The following MEGF6 variants were observed in gnomAD, a reference collection of about 807,000 sequenced individuals.
The protein encoded by MEGF6 is multiple epidermal growth factor-like domains protein 6.
MEGF6 carries 184 observed loss-of-function variants against 207.1 expected under a neutral mutation model. That is an observed-to-expected ratio of 0.89 (90% CI 0.79 to 1.00). The LOEUF (loss-of-function observed/expected upper bound fraction) is 1.00, where lower values mean the gene tolerates loss of function less well. MEGF6 is among the 50% of genes least tolerant of loss of function. The pLI, the probability that MEGF6 is intolerant of heterozygous loss-of-function variation, is 0.00. For synonymous variants in MEGF6, 1,038 were observed against 910.0 expected (o/e 1.14, Z -2.53); for missense variants, 2,282 against 2,202.9 (o/e 1.04, Z -0.72).
At chr1:3,553,388 G>A (rs575852869) in intron 4 of MEGF6, among the ~76,000 whole-genome samples, 17 of 151,872 alleles carry the variant, frequency 1.1e-4, no homozygotes, top group African/African-American at 3.9e-4. Flanking sequence ...AGGCGGGACG[G>A]GGACACAGGC....
intron 1 of MEGF6, among the ~76,000 whole-genome samples, chr1:3,605,068 TCA>T (rs201341497): frequency 0.025 from 3,816 of 149,918 alleles, 157 homozygotes; most frequent in African/African-American, 0.087. Flanking sequence ...ACCCTCACAC[TCA>T]CACTCTCAGT....
Position 3,497,133 on chromosome 1 carries a change from G to A in MEGF6, c.3482-14C>T. On this transcript the variant is annotated splice_polypyrimidine_tract_variant and intron_variant, in intron 27 of 36. Coordinates refer to ENST00000356575, the MANE Select transcript of MEGF6 (RefSeq NM_001409.4). The stretch of plus-strand genomic sequence containing the variant: ...CGGGTGGGCAGGCTGGGTGGAGACA[G>A]GCAGGGTCGGTCCTGGCCCAGCCCC... 1 of 1,568,202 alleles carries A rather than the reference G, an allele frequency of 6.4e-7. No individual in the cohort carries two copies. Among genetic ancestry groups the A allele is most frequent in the Non-Finnish European group, 8.7e-7 (1 of 1,154,438 alleles).
the MEGF6 span, among the ~76,000 whole-genome samples, chr1:3,618,703 C>T: frequency 2.0e-5 from 3 of 152,190 alleles, no homozygotes; most frequent in South Asian, 4.1e-4. The surrounding 1 kb of genome is among the most constrained non-coding windows in gnomAD (Gnocchi z 4.7). Context: ...ACCACCTGAG[C>T]GCTCACGACT....
Position 3,560,837 on chromosome 1 carries a change from CG to C in MEGF6, c.481+18987del. 1 of 446,920 alleles carries C rather than the reference CG, an allele frequency of 2.2e-6. No homozygotes were observed. The highest frequency in any genetic ancestry group is 1.6e-5 in the South Asian group (1 of 62,928). 27.7% of individuals were successfully genotyped at this position (446,920 alleles called of 1,614,324 possible). Reference sequence around the variant, plus strand: ...CAGGAACAGCCTCAGGCGTCGGCCGCGAGGGGGTTGCTGGGCTGGCTGGTCC... The same window carrying C: ...CAGGAACAGCCTCAGGCGTCGGCCGCAGGGGGTTGCTGGGCTGGCTGGTCC... On this transcript the variant is annotated intron_variant, in intron 4 of 36. Coordinates refer to ENST00000356575, the MANE Select transcript of MEGF6 (RefSeq NM_001409.4). This position sits in a 1 kb window ranked among gnomAD's most constrained non-coding sequence, Gnocchi z 4.0.
At chr1:3,519,965 G>GTGT (rs2101135999) in intron 5 of MEGF6, among the ~76,000 whole-genome samples, 1 of 152,306 alleles carries the variant, frequency 6.6e-6, no homozygotes, top group Admixed American at 6.5e-5. Context: ...CAACTCTGGG[G>GTGT]GACACAGGGA....
chr1:3,496,517 C>T (rs1241515134), intron 29 of MEGF6, 138 bp downstream of exon 29: 3 of 1,298,508 alleles, frequency 2.3e-6, no homozygotes, highest in East Asian at 5.1e-5. Context: ...GGCTTAGCCC[C>T]ACTTGGGGCC....
At chr1:3,561,848 C>G (rs150463965) in intron 4 of MEGF6, among the ~76,000 whole-genome samples, 2,200 of 152,372 alleles carry the variant, frequency 0.014, 48 homozygotes, top group African/African-American at 0.047. Context: ...TTCTACAAAC[C>G]AGCCTCCAAA....
chr1:3,497,712 C>A, intron 26 of MEGF6: 1 of 449,528 alleles, frequency 2.2e-6, no homozygotes, highest in South Asian at 1.9e-5. Context: ...GCAGCCGGGG[C>A]TCAGCACTGA....
At chr1:3,569,337 A>G (rs1263168629) in intron 4 of MEGF6, among the ~76,000 whole-genome samples, 1 of 152,242 alleles carries the variant, frequency 6.6e-6, no homozygotes, top group African/African-American at 2.4e-5. Context: ...CAGGCGGTCA[A>G]GGGCCAAAGG....
At chr1:3,516,309 G>A (rs1000156577) in intron 5 of MEGF6, among the ~76,000 whole-genome samples, 3 of 152,238 alleles carry the variant, frequency 2.0e-5, no homozygotes. Context: ...GCCAAAAGCG[G>A]TAGCCAGCCC....
chr1:3,619,077 G>A, the MEGF6 span, among the ~76,000 whole-genome samples: 1 of 152,230 alleles, frequency 6.6e-6, no homozygotes, highest in African/African-American at 2.4e-5. Context: ...ACTTCCCAGC[G>A]GAGATTTCCA....
At position 3,565,907 on chromosome 1, in the gene MEGF6, G is replaced by A. The variant is rs1418954528; in HGVS notation, c.481+13918C>T. ...CAGGGACTCTCATGGGGTGCAGTGG[G>A]GATCCAGCTTCCTCCTCCCTGAGAC... On this transcript the variant is annotated intron_variant, in intron 4 of 36. Coordinates refer to ENST00000356575, the MANE Select transcript of MEGF6 (RefSeq NM_001409.4). This position sits in a 1 kb window ranked among gnomAD's most constrained non-coding sequence, Gnocchi z 4.8. 6.6e-6 allele frequency among the ~76,000 whole-genome samples: 1 copy of A among 152,158 alleles called. No individual in the cohort carries two copies. The highest frequency in any genetic ancestry group is 1.5e-5 in the Non-Finnish European group (1 of 68,008).
intron 4 of MEGF6, among the ~76,000 whole-genome samples, chr1:3,557,244 G>GAGATCT: frequency 6.6e-6 from 1 of 152,356 alleles, no homozygotes; most frequent in South Asian, 2.1e-4. Flanking sequence ...TACCTTCTAC[G>GAGATCT]ACTAGAGATC....
In MEGF6 at chr1:3,494,022, C is replaced by G; in HGVS notation, c.4232G>C (p.Gly1411Ala). 1 of 1,607,798 alleles carries G rather than the reference C, an allele frequency of 6.2e-7. No individual in the cohort carries two copies. The highest frequency in any genetic ancestry group is 1.7e-5 in the Admixed American group (1 of 59,098). Reference sequence around the variant, plus strand: ...CCTCTCACAGAAGTGGCCGTGGAAGCCGGCAGGGCAGAGGCATCGGCCACT... The same window carrying G: ...CCTCTCACAGAAGTGGCCGTGGAAGGCGGCAGGGCAGAGGCATCGGCCACT... ...PISGRCLCPA[G>A]FHGHFCERGC... The change falls in exon 33 of 37, where the codon GGC (glycine) becomes GCC (alanine). Residue 1411 changes from glycine (G) to alanine (A), a missense_variant. By Grantham distance (60) the Gly-to-Ala change is moderately conservative. Coordinates refer to ENST00000356575, the MANE Select transcript of MEGF6 (RefSeq NM_001409.4).
intron 17 of MEGF6, 129 bp from the exon 18 acceptor site, chr1:3,502,050 C>CCGCCTCCTCACAT (rs1640912825): frequency 2.7e-5 from 1 of 37,066 alleles, no homozygotes; most frequent in African/African-American, 2.7e-4. Context: ...TGTGCCCCCC[C>CCGCCTCCTCACAT]GGCGCCTCCT....
chr1:3,578,539 G>GA (rs912352046), intron 4 of MEGF6, among the ~76,000 whole-genome samples: 1 of 143,074 alleles, frequency 7.0e-6, no homozygotes, highest in African/African-American at 3.0e-5. Flanking sequence ...GGGGCCCTGG[G>GA]GGGGGGGGGC....
intron 7 of MEGF6, among the ~76,000 whole-genome samples, chr1:3,513,763 A>C (rs1272967999): frequency 2.0e-5 from 3 of 150,166 alleles, no homozygotes; most frequent in Non-Finnish European, 3.0e-5. Context: ...CTAATTAAAA[A>C]AAAAATTGTT....
chr1:3,546,843 C>T (rs1280534229), intron 4 of MEGF6, among the ~76,000 whole-genome samples: 22 of 95,170 alleles, frequency 2.3e-4, no homozygotes, highest in East Asian at 1.3e-3. Context: ...GGGAAGGGGG[C>T]GCCAGGGAGG....
At chr1:3,506,601 C>T (rs1641129403) in intron 14 of MEGF6, among the ~76,000 whole-genome samples, 1 of 152,340 alleles carries the variant, frequency 6.6e-6, no homozygotes, top group Middle Eastern at 3.4e-3. Context: ...GGGAAGGACA[C>T]GTGGCCCCAG....
Sources: gnomAD v4.1 joint callset for allele counts (sites outside exome capture counted in the v4.1 genomes callset) on GRCh38, gnomAD v4.1.1 for gene constraint, Gnocchi (gnomAD v3.1) non-coding constraint, MANE v1.5 for transcripts, NCBI Gene and HGNC (gene_info 2026-07-23, HGNC 2026-07-21) for gene names.